The following KIF7 variants were observed in gnomAD, a reference collection of about 807,000 sequenced individuals.
KIF7 encodes the protein kinesin family member 7.
KIF7 carries 104 observed loss-of-function variants against 135.7 expected under a neutral mutation model. The observed-to-expected ratio is 0.77, with a 90% CI of 0.65 to 0.90. The LOEUF is 0.90. KIF7 is among the 40% of genes least tolerant of loss of function. The pLI is 0.00. For missense variants in KIF7, 2,005 were observed against 1,839.1 expected (o/e 1.09, Z -1.65); for synonymous variants, 883 against 809.4 (o/e 1.09, Z -1.54).
At chr15:89,651,759 G>A (rs1964127570) in intron 2 of KIF7, among the ~76,000 whole-genome samples, 1 of 152,098 alleles carries the variant, frequency 6.6e-6, no homozygotes, top group African/African-American at 2.4e-5. Flanking sequence ...GCTATGGTCT[G>A]AATTTGTTTA....
At chr15:89,636,207 C>A (rs1462048982) in intron 11 of KIF7, among the ~76,000 whole-genome samples, 1 of 151,872 alleles carries the variant, frequency 6.6e-6, no homozygotes, top group Non-Finnish European at 1.5e-5. Context: ...ACAACCGGTA[C>A]CAGCCGCTGC....
downstream of KIF7, chr15:89,624,046 G>T (rs766566820): frequency 2.5e-6 from 4 of 1,613,642 alleles, no homozygotes; most frequent in East Asian, 4.5e-5. Context: ...TCCCATCAGA[G>T]ACCCTCTCAG....
chr15:89,659,957 G>A (rs1964242018), upstream of KIF7, among the ~76,000 whole-genome samples: 1 of 152,222 alleles, frequency 6.6e-6, no homozygotes, highest in Admixed American at 6.5e-5. Flanking sequence ...AGCTGTTCGG[G>A]GGACCGAGGT....
chr15:89,629,594 G>T, intron 16 of KIF7, 21 bp from the exon 17 acceptor site: 1 of 1,602,478 alleles, frequency 6.2e-7, no homozygotes, highest in Non-Finnish European at 8.5e-7. Flanking sequence ...ACCCAGCCAG[G>T]CTCAGCCCTC....
In KIF7 at chr15:89,645,903, G is replaced by GT; in HGVS notation, c.1911dup (p.His638ThrfsTer6). 1 of 1,613,480 alleles carries GT rather than the reference G, an allele frequency of 6.2e-7. No homozygotes were observed. The highest frequency in any genetic ancestry group is 8.5e-7 in the Non-Finnish European group (1 of 1,179,938). On this transcript the variant is annotated frameshift_variant, in exon 8 of 19. Coordinates refer to ENST00000394412, the MANE Select transcript of KIF7 (RefSeq NM_198525.3). LOFTEE classifies it high-confidence loss of function. ...GTGGGTCCCACTCACCTGCGCAGGT[G>GT]TAAGGTCCGCCTGGGCGGCTCCTCC...
chr15:89,647,461 T>C (rs955199313), intron 6 of KIF7, 135 bp downstream of exon 6: 3 of 787,244 alleles, frequency 3.8e-6, no homozygotes, highest in Non-Finnish European at 4.4e-6. Flanking sequence ...CTTTCGCTCA[T>C]GTGCACCTCC....
chr15:89,629,187 G>C (rs1021057349), intron 17 of KIF7, 65 bp from the exon 18 acceptor site: 16 of 1,233,986 alleles, frequency 1.3e-5, no homozygotes, highest in East Asian at 5.1e-5. Context: ...CCAGGGCTGT[G>C]GGGGTGGGGG....
At chr15:89,648,169 C>G (rs748121954) in intron 5 of KIF7, 86 bp downstream of exon 5, 16 of 1,361,126 alleles carry the variant, frequency 1.2e-5, no homozygotes, top group East Asian at 6.0e-5. Context: ...GAGGCAGGGG[C>G]GCAGCTGCTG....
intron 15 of KIF7, 110 bp downstream of exon 15, chr15:89,631,385 T>A (rs1319155365): frequency 8.9e-6 from 9 of 1,006,300 alleles, no homozygotes; most frequent in East Asian, 2.6e-5. Flanking sequence ...AACTTGGGTC[T>A]GCCGACAGCA....
chr15:89,645,841 C>A, intron 8 of KIF7, 52 bp downstream of exon 8: 1 of 1,598,990 alleles, frequency 6.3e-7, no homozygotes. Flanking sequence ...GCCTGCCTAG[C>A]CCTGGGCCCT....
chr15:89,630,877 C>G lies in KIF7; in HGVS notation c.3112-384G>C, dbSNP rs149973400. ...ATCATTAGGCGTTTTCGACGTCGTG[C>G]AAACATCAGAATATACTCACACAAA... On this transcript the variant is annotated intron_variant, in intron 15 of 18. Coordinates refer to ENST00000394412, the MANE Select transcript of KIF7 (RefSeq NM_198525.3). 1.1e-5 allele frequency: 4 copies of G among 369,762 alleles called. No individual in the cohort carries two copies. The East Asian group carries it at 2.7e-4, about 25-fold the overall frequency. The allele number at this position is 369,762 out of a possible 1,614,324, so 22.9% of individuals were successfully genotyped here.
At chr15:89,630,573 A>G in intron 15 of KIF7, 80 bp from the exon 16 acceptor site, 2 of 1,205,970 alleles carry the variant, frequency 1.7e-6, no homozygotes, top group Non-Finnish European at 2.4e-6. Context: ...AACAGCCAAC[A>G]CGTAGCCACA....
chr15:89,633,008 T>TAGGGAGGGAGAGAGGG lies in KIF7; in HGVS notation c.2719-13_2719-12insCCCTCTCTCCCTCCCT. The TAGGGAGGGAGAGAGGG allele has an allele frequency of 2.7e-6, 3 of 1,092,416 alleles. No individual in the cohort carries two copies. The highest frequency in any genetic ancestry group is 4.1e-6 in the Non-Finnish European group (3 of 739,726). 67.7% of individuals were successfully genotyped at this position (1,092,416 alleles called of 1,614,324 possible). On this transcript the variant is annotated splice_polypyrimidine_tract_variant and intron_variant, in intron 13 of 18. Coordinates refer to ENST00000394412, the MANE Select transcript of KIF7 (RefSeq NM_198525.3). Reference sequence around the variant, plus strand: ...TGCTCCTCAATCTTCTAAGGAAAAGTAGGGAGGGAGGGAGGGAACTCAGGG... The same window carrying TAGGGAGGGAGAGAGGG: ...TGCTCCTCAATCTTCTAAGGAAAAGTAGGGAGGGAGAGAGGGAGGGAGGGAGGGAGGGAACTCAGGG...
upstream of KIF7, among the ~76,000 whole-genome samples, chr15:89,659,090 A>G (rs553865694): frequency 4.6e-5 from 7 of 151,868 alleles, no homozygotes; most frequent in African/African-American, 1.7e-4. Context: ...ACTAAATCAA[A>G]ATTAAGAACT....
chr15:89,648,655 T>A lies in KIF7; in HGVS notation c.1043A>T (p.Asn348Ile). 1 of 1,535,770 alleles carries A rather than the reference T, an allele frequency of 6.5e-7. No homozygotes were observed. The highest frequency in any genetic ancestry group is 1.2e-5 in the South Asian group (1 of 84,050). The change falls in exon 5 of 19, where the codon AAC becomes ATC. Residue 348 changes from asparagine (N) to isoleucine (I), a missense_variant. Coordinates refer to ENST00000394412, the MANE Select transcript of KIF7 (RefSeq NM_198525.3). ...GTTGACCGTGGCGCGGTTGCGGATG[T>A]TCTGGGCGCGGCTGGCGTAGTTGAG... ...NTLNYASRAQ[N>I]IRNRATVNWR...
At chr15:89,639,064 G>T (rs951939981) in intron 11 of KIF7, among the ~76,000 whole-genome samples, 3 of 152,002 alleles carry the variant, frequency 2.0e-5, no homozygotes, top group African/African-American at 7.3e-5. Flanking sequence ...TTAATAAATG[G>T]TGCTGGGAAA....
downstream of KIF7, chr15:89,625,293 A>T: frequency 6.2e-7 from 1 of 1,613,906 alleles, no homozygotes; most frequent in Non-Finnish European, 8.5e-7. Context: ...CTCCATTTCA[A>T]ACAGATGGGG....
chr15:89,634,109 G>A (rs1203352460), intron 11 of KIF7, among the ~76,000 whole-genome samples: 4 of 152,138 alleles, frequency 2.6e-5, no homozygotes, highest in African/African-American at 7.2e-5. Context: ...GACCAACCTG[G>A]CCAACATAGT....
At chr15:89,645,213 G>T in intron 9 of KIF7, 48 bp from the exon 10 acceptor site, 2 of 1,605,522 alleles carry the variant, frequency 1.2e-6, no homozygotes, top group Non-Finnish European at 1.7e-6. Flanking sequence ...GACAGTGGGG[G>T]AGACAGAGGA....
Sources: gnomAD v4.1 joint callset for allele counts (sites outside exome capture counted in the v4.1 genomes callset) on GRCh38, gnomAD v4.1.1 for gene constraint, MANE v1.5 for transcripts, NCBI Gene and HGNC (gene_info 2026-07-23, HGNC 2026-07-21) for gene names.